POF1B: variants seen among roughly 807,000 people sequenced by gnomAD.
The protein encoded by POF1B is protein POF1B.
POF1B carries 53 observed loss-of-function variants against 55.3 expected under a neutral mutation model. The ratio of observed to expected loss-of-function variants is 0.96; its 90% CI spans 0.77 to 1.20. POF1B has a LOEUF of 1.20. Ranked by LOEUF, POF1B falls within the 50% of genes most tolerant of loss-of-function variation. POF1B has a pLI of 0.00. For missense variants in POF1B, 478 were observed against 420.5 expected, an observed-to-expected ratio of 1.14 and a Z score of -1.20; for synonymous variants, 188 against 148.3, an observed-to-expected ratio of 1.27 and a Z score of -1.95.
At chrX:85,331,210 A>G (rs1303617224) in intron 6 of POF1B, 131 bp from the exon 7 acceptor site, 26 of 630,652 alleles carry the variant, frequency 4.1e-5, no homozygotes, top group Non-Finnish European at 4.5e-5. Flanking sequence ...TTTCAGGGAT[A>G]CATTTTTTAA....
At chrX:85,378,636 A>C (rs1407058981) in intron 2 of POF1B, among the ~76,000 whole-genome samples, 1 of 111,946 alleles carries the variant, frequency 8.9e-6, no homozygotes, top group Non-Finnish European at 1.9e-5. Flanking sequence ...GTACGATAAA[A>C]AGTGTGTCAT....
At chrX:85,305,689 C>A (rs1932555689) in intron 13 of POF1B, 102 bp downstream of exon 13, 4 of 927,882 alleles carry the variant, frequency 4.3e-6, no homozygotes, top group Non-Finnish European at 5.8e-6. Flanking sequence ...AAAACTCTAC[C>A]TTCAGCTAAT....
At chrX:85,328,426 A>C (rs1022627674) in intron 7 of POF1B, among the ~76,000 whole-genome samples, 1 of 110,047 alleles carries the variant, frequency 9.1e-6, no homozygotes, top group Non-Finnish European at 1.9e-5. Flanking sequence ...GGATGGTCTC[A>C]ATCTCCTGAC....
At chrX:85,288,851 T>G (rs1932117108) in intron 15 of POF1B, among the ~76,000 whole-genome samples, 1 of 111,870 alleles carries the variant, frequency 8.9e-6, no homozygotes, top group African/African-American at 3.3e-5. Flanking sequence ...TTAAACCTCT[T>G]TTTGTTCTCA....
At chrX:85,301,229 G>GA (rs1381541435) in intron 15 of POF1B, among the ~76,000 whole-genome samples, 1 of 111,268 alleles carries the variant, frequency 9.0e-6, no homozygotes, top group Non-Finnish European at 1.9e-5. Context: ...AAGGGCCATA[G>GA]AAAAAAATAA....
Position 85,307,243 on chromosome X carries a change from C to A in POF1B, c.1084G>T (p.Asp362Tyr), listed in dbSNP as rs1459242017. The A allele has an allele frequency of 8.3e-7, 1 of 1,200,988 alleles. No individual in the cohort carries two copies. Among genetic ancestry groups the A allele is most frequent in the Non-Finnish European group, 1.1e-6 (1 of 888,988 alleles). ...LENDKMRLEK[D>Y]LSFKDTQLKE... ...AATTGAGTGTCTTTGAATGATAAAT[C>A]TTTCTCAAGTCTCATCTTGTCATTT... is the stretch of plus-strand genomic sequence containing the variant. The change falls in exon 11 of 17, where the codon GAT (aspartate) becomes TAT (tyrosine). Residue 362 changes from aspartate to tyrosine, a missense_variant. Physicochemically the swap from Asp to Tyr is radical, Grantham distance 160. Coordinates refer to ENST00000262753, the MANE Select transcript of POF1B (RefSeq NM_024921.4).
At chrX:85,318,114 A>G (rs1322549446) in intron 7 of POF1B, among the ~76,000 whole-genome samples, 1 of 111,353 alleles carries the variant, frequency 9.0e-6, no homozygotes, top group South Asian at 3.7e-4. Context: ...AAAAATAACT[A>G]ATGGGTACTG....
intron 15 of POF1B, among the ~76,000 whole-genome samples, chrX:85,288,769 T>C (rs1932113581): frequency 9.0e-6 from 1 of 111,024 alleles, no homozygotes; most frequent in African/African-American, 3.3e-5. Flanking sequence ...GCCACTGCCA[T>C]GTTAAGAAGT....
At chrX:85,287,006 T>A (rs1367195124) in intron 15 of POF1B, among the ~76,000 whole-genome samples, 1 of 111,217 alleles carries the variant, frequency 9.0e-6, no homozygotes, top group African/African-American at 3.3e-5. Flanking sequence ...AACCTGTAGA[T>A]CCAAGTACAA....
intron 3 of POF1B, among the ~76,000 whole-genome samples, chrX:85,360,930 G>C (rs968186156): frequency 9.0e-6 from 1 of 110,953 alleles, no homozygotes; most frequent in Non-Finnish European, 1.9e-5. Flanking sequence ...TGACTGTTAC[G>C]AGGTGGAATC....
At position 85,287,906 on chromosome X, in the gene POF1B, T is replaced by TATCC. The variant is rs774460264; in HGVS notation, c.1650-5593_1650-5590dup. Among the ~76,000 whole-genome samples the TATCC allele has an allele frequency of 9.9e-5, 11 of 111,445 alleles. No individual in the cohort carries two copies. In the East Asian group the frequency reaches 2.9e-3, roughly 29 times the overall value. ...GATACTACATTAATCCAGCACAATTTATCCCAGTAACAAAAGTTTGGTTTA... is the reference window on the plus strand; with the variant it reads ...GATACTACATTAATCCAGCACAATTTATCCATCCCAGTAACAAAAGTTTGGTTTA... On this transcript the variant is annotated intron_variant, in intron 15 of 16. Coordinates refer to ENST00000262753, the MANE Select transcript of POF1B (RefSeq NM_024921.4).
At chrX:85,297,931 C>T (rs1932343180) in intron 15 of POF1B, among the ~76,000 whole-genome samples, 1 of 112,255 alleles carries the variant, frequency 8.9e-6, no homozygotes, top group Non-Finnish European at 1.9e-5. Flanking sequence ...CTGGGGGCTC[C>T]TCCCCAGATT....
At chrX:85,328,197 T>TTTATTTATTTAA (rs1932921027) in intron 7 of POF1B, among the ~76,000 whole-genome samples, 1 of 105,944 alleles carries the variant, frequency 9.4e-6, no homozygotes, top group Admixed American at 1.0e-4. Flanking sequence ...TATTTATTTA[T>TTTATTTATTTAA]TTATTTATTT....
At chrX:85,356,130 T>TA (rs1389728541) in intron 4 of POF1B, among the ~76,000 whole-genome samples, 1 of 110,938 alleles carries the variant, frequency 9.0e-6, no homozygotes, top group South Asian at 3.8e-4. Context: ...TATGCAGCCA[T>TA]AAAAAACGAT....
chrX:85,326,851 G>C (rs1473217076), intron 7 of POF1B, among the ~76,000 whole-genome samples: 1 of 109,754 alleles, frequency 9.1e-6, no homozygotes, highest in Non-Finnish European at 1.9e-5. Flanking sequence ...GGTATAATGA[G>C]GGCTCCCAGG....
chrX:85,342,855 T>C (rs759403430), intron 6 of POF1B, among the ~76,000 whole-genome samples: 1 of 111,284 alleles, frequency 9.0e-6, no homozygotes, highest in Non-Finnish European at 1.9e-5. Flanking sequence ...AACTCCCTCC[T>C]TTGTCCATGG....
chrX:85,362,872 T>C (rs781096290), intron 3 of POF1B, among the ~76,000 whole-genome samples: 1 of 111,287 alleles, frequency 9.0e-6, no homozygotes, highest in East Asian at 2.8e-4. Context: ...ATCCATCTGG[T>C]CCTGGGCTTT....
intron 7 of POF1B, among the ~76,000 whole-genome samples, chrX:85,328,199 T>TATTA (rs1262313605): frequency 1.1e-4 from 12 of 106,238 alleles, no homozygotes; most frequent in Non-Finnish European, 1.9e-4. Flanking sequence ...TTTATTTATT[T>TATTA]ATTTATTTAT....
At chrX:85,305,689 C>T in intron 13 of POF1B, 102 bp downstream of exon 13, 2 of 929,475 alleles carry the variant, frequency 2.2e-6, no homozygotes, top group South Asian at 5.9e-5. Flanking sequence ...AAAACTCTAC[C>T]TTCAGCTAAT....
Sources: gnomAD v4.1 joint callset for allele counts (sites outside exome capture counted in the v4.1 genomes callset) on GRCh38, gnomAD v4.1.1 for gene constraint, MANE v1.5 for transcripts, NCBI Gene and HGNC (gene_info 2026-07-23, HGNC 2026-07-21) for gene names.